TRIP4: variants seen among roughly 807,000 people sequenced by gnomAD.
TRIP4 encodes the protein thyroid hormone receptor interactor 4, also known as activating signal cointegrator 1.
In TRIP4, 54 loss-of-function variants were observed where a neutral mutation model predicts 81.8. That is an observed-to-expected ratio of 0.66 (90% CI 0.53 to 0.83). The LOEUF (loss-of-function observed/expected upper bound fraction) is 0.83, where lower values mean the gene tolerates loss of function less well. Among genes scored for constraint, TRIP4 ranks in the 40% least tolerant of loss-of-function variants. TRIP4 has a pLI of 0.00. For synonymous variants in TRIP4, 270 were observed against 242.8 expected, an observed-to-expected ratio of 1.11 and a Z score of -1.04; for missense variants, 662 against 683.6, an observed-to-expected ratio of 0.97 and a Z score of 0.35.
intron 12 of TRIP4, among the ~76,000 whole-genome samples, chr15:64,446,393 A>G (rs1297127041): frequency 6.7e-6 from 1 of 149,486 alleles, no homozygotes; most frequent in Non-Finnish European, 1.5e-5. Flanking sequence ...CTTGCTTTTC[A>G]TTCCTTTTTA....
chr15:64,404,455 G>GATCTACAGGCTTGTACCACCGTGTCT (rs1891579710), intron 5 of TRIP4, among the ~76,000 whole-genome samples: 1 of 151,990 alleles, frequency 6.6e-6, no homozygotes, highest in African/African-American at 2.4e-5. Context: ...CAAGTAGCTG[G>GATCTACAGGCTTGTACCACCGTGTCT]GATTGCGGGC....
chr15:64,424,254 T>TA, intron 10 of TRIP4, 99 bp downstream of exon 10: 1 of 1,514,824 alleles, frequency 6.6e-7, no homozygotes, highest in Non-Finnish European at 9.0e-7. Flanking sequence ...TTTTCTTTGT[T>TA]AAAAGAGACT....
At chr15:64,428,949 A>G (rs921043649) in intron 11 of TRIP4, among the ~76,000 whole-genome samples, 1 of 152,006 alleles carries the variant, frequency 6.6e-6, no homozygotes. Flanking sequence ...GTAGCATATG[A>G]ATTTATTTAG....
At chr15:64,437,522 T>C (rs889112254) in intron 11 of TRIP4, among the ~76,000 whole-genome samples, 1 of 150,990 alleles carries the variant, frequency 6.6e-6, no homozygotes, top group African/African-American at 2.4e-5. Flanking sequence ...AGACAGAGTC[T>C]CACTCTGTCG....
chr15:64,410,702 T>C (rs1472674429), intron 7 of TRIP4, among the ~76,000 whole-genome samples: 2 of 152,070 alleles, frequency 1.3e-5, no homozygotes, highest in African/African-American at 4.8e-5. Context: ...CTAAGCAAGA[T>C]ACAAAATCCT....
chr15:64,422,016 G>A (rs1892028753), intron 9 of TRIP4, among the ~76,000 whole-genome samples: 1 of 148,904 alleles, frequency 6.7e-6, no homozygotes, highest in Non-Finnish European at 1.5e-5. Flanking sequence ...GTGATAGAGT[G>A]AGACTCAGTC....
chr15:64,437,430 GA>G (rs1482192625), intron 11 of TRIP4, among the ~76,000 whole-genome samples: 1 of 150,116 alleles, frequency 6.7e-6, no homozygotes. Context: ...AAACAAAAAA[GA>G]AAAAAATGCC....
At position 64,406,439 on chromosome 15, in the gene TRIP4, G is replaced by A. The variant is rs980617695; in HGVS notation, c.807G>A (p.Leu269=). The change falls in exon 6 of 13, where the codon CTG becomes CTA. Residue 269 remains leucine, a synonymous_variant. Transcript: ENST00000261884. ...LEKAIKHKDK[L]LEFDRTSIRR... Reference sequence around the variant, plus strand: ...AGGCTATCAAGCATAAAGACAAACTGTTAGAGTTTGACAGAACTAGGTATG... The same window carrying A: ...AGGCTATCAAGCATAAAGACAAACTATTAGAGTTTGACAGAACTAGGTATG... 2 of 1,613,764 alleles carry A rather than the reference G, an allele frequency of 1.2e-6. No homozygotes were observed. Among genetic ancestry groups the A allele is most frequent in the African/African-American group, 2.7e-5 (2 of 74,920 alleles).
intron 1 of TRIP4, chr15:64,388,173 T>C: frequency 1.1e-6 from 1 of 884,146 alleles, no homozygotes; most frequent in Non-Finnish European, 1.5e-6. Flanking sequence ...CGGTCGGGCT[T>C]TTTTCCTGGG....
At position 64,455,196 on chromosome 15, in the gene TRIP4, T is replaced by C; in HGVS notation, c.*132T>C. ...GGCTTGAATATCTCAGAACTTAAAC[T>C]CTTACCAAAATCTGTATATTTTTCT... On this transcript the variant is annotated 3_prime_UTR_variant, in exon 13 of 13. Coordinates refer to ENST00000261884, the MANE Select transcript of TRIP4 (RefSeq NM_016213.5). 1 of 663,652 alleles carries C rather than the reference T, an allele frequency of 1.5e-6. No individual in the cohort carries two copies. Among genetic ancestry groups the C allele is most frequent in the Non-Finnish European group, 2.4e-6 (1 of 414,038 alleles). 41.1% of individuals were successfully genotyped at this position (663,652 alleles called of 1,614,324 possible). A position where few individuals can be genotyped will look rare whatever the true frequency, so the allele number is the denominator to read the frequency against.
At chr15:64,445,270 ATTTTC>A (rs906969678) in intron 12 of TRIP4, 162 bp downstream of exon 12, 97 of 423,048 alleles carry the variant, frequency 2.3e-4, no homozygotes, top group East Asian at 4.5e-4. Context: ...TGATGGTCTA[ATTTTC>A]TTTTCTTTTC....
intron 8 of TRIP4, among the ~76,000 whole-genome samples, chr15:64,415,205 G>A (rs988835218): frequency 6.6e-6 from 1 of 152,094 alleles, no homozygotes; most frequent in Non-Finnish European, 1.5e-5. Flanking sequence ...CAAAAACATG[G>A]GATATAGATA....
intron 5 of TRIP4, among the ~76,000 whole-genome samples, chr15:64,404,497 T>C (rs937652036): frequency 9.9e-5 from 15 of 151,640 alleles, no homozygotes; most frequent in African/African-American, 3.4e-4. Context: ...ATTTTTGCAT[T>C]TATAGTAGAG....
intron 11 of TRIP4, among the ~76,000 whole-genome samples, chr15:64,436,110 C>T (rs895540208): frequency 1.3e-5 from 2 of 151,958 alleles, no homozygotes; most frequent in Admixed American, 1.3e-4. Context: ...GCCTGACCAA[C>T]ATGATGAAAC....
chr15:64,446,817 A>G (rs1425604595), intron 12 of TRIP4, among the ~76,000 whole-genome samples: 1 of 150,860 alleles, frequency 6.6e-6, no homozygotes, highest in Non-Finnish European at 1.5e-5. Context: ...CAAAACGCAT[A>G]TAGTGGGCCG....
At chr15:64,406,484 T>C (rs1356024208) in intron 6 of TRIP4, 25 bp downstream of exon 6, 2 of 1,607,530 alleles carry the variant, frequency 1.2e-6, no homozygotes, top group Non-Finnish European at 1.7e-6. Flanking sequence ...GAATAACAAA[T>C]GCTAAGAAAT....
intron 12 of TRIP4, among the ~76,000 whole-genome samples, chr15:64,445,920 G>A (rs938519478): frequency 3.9e-5 from 6 of 152,130 alleles, no homozygotes; most frequent in African/African-American, 1.4e-4. Flanking sequence ...AAAGGAAGTA[G>A]TAAGGCAGTG....
intron 4 of TRIP4, among the ~76,000 whole-genome samples, chr15:64,399,004 C>T (rs1400145265): frequency 7.3e-6 from 1 of 136,786 alleles, no homozygotes; most frequent in Admixed American, 7.5e-5. Context: ...GGCTGGAGAG[C>T]AGTGGCACAA....
chr15:64,434,907 A>G (rs969242286), intron 11 of TRIP4, among the ~76,000 whole-genome samples: 1 of 152,072 alleles, frequency 6.6e-6, no homozygotes, highest in African/African-American at 2.4e-5. Context: ...CCAAGTGGCA[A>G]CTTATCTTCT....
Sources: gnomAD v4.1 joint callset for allele counts (sites outside exome capture counted in the v4.1 genomes callset) on GRCh38, gnomAD v4.1.1 for gene constraint, MANE v1.5 for transcripts, NCBI Gene and HGNC (gene_info 2026-07-23, HGNC 2026-07-21) for gene names.